Variants in LOC112694756 observed in about 807,000 individuals in gnomAD.
chr16:30,055,287 C>A, the LOC112694756 span: 1 of 399,300 alleles, frequency 2.5e-6, no homozygotes, highest in Admixed American at 4.4e-5. Flanking sequence ...CCTAGCCCGG[C>A]CCACTTCCTG....
the LOC112694756 span, chr16:30,064,419 C>T: frequency 7.5e-6 from 3 of 398,594 alleles, no homozygotes; most frequent in Non-Finnish European, 1.3e-5. Context: ...CTTTCCTTCC[C>T]ACAGGTCCCT....
At chr16:30,064,163 T>TATA in the LOC112694756 span, 2 of 398,296 alleles carry the variant, frequency 5.0e-6, no homozygotes, top group Non-Finnish European at 8.8e-6. Context: ...ACACAAGTGT[T>TATA]ATAGGAGGAG....
chr16:30,060,378 CT>C, the LOC112694756 span, among the ~76,000 whole-genome samples: 15 of 152,216 alleles, frequency 9.9e-5, no homozygotes, highest in Admixed American at 1.3e-4. Context: ...AGGGCCTGAG[CT>C]TTAACCATCT....
the LOC112694756 span, among the ~76,000 whole-genome samples, chr16:30,061,862 C>T: frequency 6.6e-6 from 1 of 150,886 alleles, no homozygotes; most frequent in Non-Finnish European, 1.5e-5. Context: ...GTCTAACCAT[C>T]CATTTTCTCT....
chr16:30,058,630 T>C, the LOC112694756 span, among the ~76,000 whole-genome samples: 3 of 152,012 alleles, frequency 2.0e-5, no homozygotes, highest in East Asian at 5.8e-4. Flanking sequence ...GGATTACAGG[T>C]GCCCGCCACC....
At chr16:30,057,462 A>G in the LOC112694756 span, among the ~76,000 whole-genome samples, 1 of 152,030 alleles carries the variant, frequency 6.6e-6, no homozygotes, top group African/African-American at 2.4e-5. Flanking sequence ...GGGTTTAAAG[A>G]TGTTAAATGT....
At chr16:30,063,956 C>G in the LOC112694756 span, 2 of 398,898 alleles carry the variant, frequency 5.0e-6, no homozygotes, top group Non-Finnish European at 8.8e-6. Flanking sequence ...GCCGAGCACC[C>G]AGGCCTGGGA....
the LOC112694756 span, chr16:30,064,560 C>G: frequency 7.5e-6 from 3 of 398,694 alleles, no homozygotes; most frequent in Non-Finnish European, 1.3e-5. Context: ...GTCTTCCTCC[C>G]CCTTCCCCCA....
the LOC112694756 span, among the ~76,000 whole-genome samples, chr16:30,057,338 C>T: frequency 6.6e-6 from 1 of 152,174 alleles, no homozygotes; most frequent in Admixed American, 6.5e-5. Flanking sequence ...TTAGTGGCTT[C>T]TCCAGAGTGT....
the LOC112694756 span, chr16:30,064,119 T>G: frequency 2.5e-6 from 1 of 399,062 alleles, no homozygotes; most frequent in Non-Finnish European, 4.4e-6. Context: ...CGATTCTATT[T>G]GAAGTTGGGC....
chr16:30,055,268 T>C, the LOC112694756 span: 5 of 399,074 alleles, frequency 1.3e-5, no homozygotes, highest in African/African-American at 1.0e-4. Context: ...AGCCTGCAAC[T>C]TTCCTCTGCC....
chr16:30,056,751 C>T, the LOC112694756 span, among the ~76,000 whole-genome samples: 534 of 152,016 alleles, frequency 3.5e-3, 9 homozygotes, highest in East Asian at 0.022. Context: ...TAGGTGCATG[C>T]CACCACACCC....
At chr16:30,053,868 C>T in the LOC112694756 span, among the ~76,000 whole-genome samples, 2 of 152,064 alleles carry the variant, frequency 1.3e-5, no homozygotes, top group South Asian at 4.1e-4. Context: ...TTGTCACTGA[C>T]ATAAATTTTA....
At chr16:30,054,727 G>A in the LOC112694756 span, 1 of 399,374 alleles carries the variant, frequency 2.5e-6, no homozygotes, top group Admixed American at 4.4e-5. Context: ...TGGTATTCCC[G>A]TGTTCCTGCA....
chr16:30,058,471 GCTT>G, the LOC112694756 span, among the ~76,000 whole-genome samples: 15 of 151,816 alleles, frequency 9.9e-5, no homozygotes, highest in Non-Finnish European at 1.9e-4. Context: ...CGCCTGCTCT[GCTT>G]CTTTTTTTTT....
chr16:30,068,526 C>A, the LOC112694756 span: 1 of 1,157,952 alleles, frequency 8.6e-7, no homozygotes, highest in Non-Finnish European at 1.3e-6. Flanking sequence ...TCACTTGAGT[C>A]CAGGAAGTGG....
the LOC112694756 span, among the ~76,000 whole-genome samples, chr16:30,054,180 C>T: frequency 6.6e-6 from 1 of 151,862 alleles, no homozygotes; most frequent in Non-Finnish European, 1.5e-5. Flanking sequence ...ATTAGCTGGG[C>T]GTCGTGGCGC....
At chr16:30,064,709 C>T in the LOC112694756 span, 3 of 375,038 alleles carry the variant, frequency 8.0e-6, no homozygotes, top group South Asian at 2.9e-4. Context: ...GCAGGAGCTG[C>T]CTTATAACCA....
At chr16:30,064,424 G>T in the LOC112694756 span, 2 of 398,682 alleles carry the variant, frequency 5.0e-6, no homozygotes, top group Non-Finnish European at 8.8e-6. Context: ...CTTCCCACAG[G>T]TCCCTGGCCA....
Sources: allele counts gnomAD v4.1 joint callset (sites outside exome capture counted in the v4.1 genomes callset), GRCh38; gene constraint gnomAD v4.1.1; transcripts MANE v1.5.